Variants in CDH23 observed in about 807,000 individuals in gnomAD.
CDH23 encodes cadherin-23.
A neutral mutation model predicts 317.1 loss-of-function variants in CDH23; 189 were observed. The ratio of observed to expected loss-of-function variants is 0.60; its 90% CI spans 0.53 to 0.67. CDH23 has a LOEUF of 0.67. Ranked by LOEUF, CDH23 falls within the 30% of genes least tolerant of loss-of-function variation. The probability of loss-of-function intolerance (pLI) is 0.00; values close to 1 mark genes in which losing one functional copy is unlikely to be tolerated. For missense variants in CDH23, 4,401 were observed against 4,592.4 expected (o/e 0.96, Z 1.20); for synonymous variants, 1,839 against 1,876.8 (o/e 0.98, Z 0.52).
In CDH23 at chr10:71,615,703, C is replaced by A. The variant is rs538302491; in HGVS notation, c.945+87C>A. On this transcript the variant is annotated intron_variant, in intron 10 of 69. Transcript: ENST00000224721. ...CTCCAGCAGTGTCCGAGGGCTCCTG[C>A]CCCCGGTGGTGGCGCCGGAAGCACT... 70 of 928,322 alleles carry A rather than the reference C, an allele frequency of 7.5e-5. No homozygotes were observed. The African/African-American group carries it at 1.0e-3, about 14-fold the overall frequency. The allele number at this position is 928,322 out of a possible 1,614,324, so 57.5% of individuals were successfully genotyped here.
intron 14 of CDH23, among the ~76,000 whole-genome samples, chr10:71,667,782 A>G (rs1403923976): frequency 1.3e-5 from 2 of 152,106 alleles, no homozygotes; most frequent in Non-Finnish European, 2.9e-5. Context: ...GGGCCTGAAC[A>G]CTGTTGGAAT....
At chr10:71,680,959 G>T (rs1344038556) in intron 17 of CDH23, among the ~76,000 whole-genome samples, 1 of 150,186 alleles carries the variant, frequency 6.7e-6, no homozygotes, top group Non-Finnish European at 1.5e-5. Flanking sequence ...CTCCCGAGTA[G>T]CTGGGATTAC....
intron 11 of CDH23, among the ~76,000 whole-genome samples, chr10:71,630,604 G>T (rs1861961420): frequency 6.6e-6 from 1 of 152,254 alleles, no homozygotes. Flanking sequence ...AGTCGATTCA[G>T]TGAGGGCATG....
intron 14 of CDH23, among the ~76,000 whole-genome samples, chr10:71,656,769 G>A (rs1254475160): frequency 6.6e-6 from 1 of 152,204 alleles, no homozygotes; most frequent in East Asian, 1.9e-4. Context: ...AAGACCCTGA[G>A]CAACAGCCTG....
intron 30 of CDH23, among the ~76,000 whole-genome samples, chr10:71,728,292 T>G (rs1369730613): frequency 6.6e-6 from 1 of 151,420 alleles, no homozygotes; most frequent in African/African-American, 2.4e-5. Flanking sequence ...AGTGGACATG[T>G]TAGTTTGCAT....
At chr10:71,658,196 T>C (rs908432828) in intron 14 of CDH23, among the ~76,000 whole-genome samples, 8 of 152,136 alleles carry the variant, frequency 5.3e-5, no homozygotes, top group African/African-American at 1.7e-4. Context: ...AATCTAAATA[T>C]CTGTCTTTGA....
At position 71,432,416 on chromosome 10, in the gene CDH23, AGT is replaced by A. The variant is rs386371777; in HGVS notation, c.-5-7405_-5-7404del. 2.2e-3 allele frequency among the ~76,000 whole-genome samples: 263 copies of A among 121,328 alleles called. 1 individual carries two copies. The highest frequency in any genetic ancestry group is 3.6e-3 in the Non-Finnish European group (198 of 55,546). The allele number at this position is 121,328 out of a possible 152,430, so 79.6% of individuals were successfully genotyped here. On this transcript the variant is annotated intron_variant, in intron 1 of 69. Transcript: ENST00000224721. ...TGTGGTGTGTGTTTGTGTGTGTGTG[AGT>A]GTGTGGGTGAGTGTGTGTTTGAGAG... is the stretch of plus-strand genomic sequence containing the variant.
chr10:71,694,299 C>T lies in CDH23; in HGVS notation c.2289+40C>T, dbSNP rs367553402. Reference sequence around the variant, plus strand: ...CTCCCGTGCCCCAGCTCCCCCTCGCCGGCCAGGCTGCTGCTCCCTGCTTGT... The same window carrying T: ...CTCCCGTGCCCCAGCTCCCCCTCGCTGGCCAGGCTGCTGCTCCCTGCTTGT... On this transcript the variant is annotated intron_variant, in intron 21 of 69. Transcript: ENST00000224721. 76 of 1,498,966 alleles carry T rather than the reference C, an allele frequency of 5.1e-5. No individual in the cohort carries two copies. Among genetic ancestry groups the T allele is most frequent in the East Asian group, 6.9e-5 (3 of 43,744 alleles). The allele number at this position is 1,498,966 out of a possible 1,614,324, so 92.9% of individuals were successfully genotyped here. A position where few individuals can be genotyped will look rare whatever the true frequency, so the allele number is the denominator to read the frequency against.
At chr10:71,433,952 G>A (rs1849507127) in intron 1 of CDH23, among the ~76,000 whole-genome samples, 1 of 151,680 alleles carries the variant, frequency 6.6e-6, no homozygotes, top group Admixed American at 6.6e-5. Flanking sequence ...CTTGAAAACT[G>A]GTTATTCATA....
At chr10:71,694,081 C>A in intron 20 of CDH23, 66 bp from the exon 21 acceptor site, 1 of 1,234,056 alleles carries the variant, frequency 8.1e-7, no homozygotes, top group Non-Finnish European at 1.2e-6. Context: ...CGCTCTCTCT[C>A]TTCTTCCCTC....
chr10:71,480,659 C>T (rs1186730307), intron 3 of CDH23, among the ~76,000 whole-genome samples: 1 of 152,172 alleles, frequency 6.6e-6, no homozygotes. Context: ...CGTCCACGAC[C>T]TGTGAGCCAG....
At chr10:71,761,012 C>A in intron 38 of CDH23, 4 of 1,367,806 alleles carry the variant, frequency 2.9e-6, no homozygotes, top group Non-Finnish European at 4.2e-6. Flanking sequence ...CCCTCCTGCC[C>A]CAGGTTCTCA....
chr10:71,464,487 C>T (rs1205392228), intron 3 of CDH23, among the ~76,000 whole-genome samples: 1 of 152,222 alleles, frequency 6.6e-6, no homozygotes, highest in Non-Finnish European at 1.5e-5. Flanking sequence ...GGTCCTGCTG[C>T]ACTTCCTGGA....
rs949232799 is a variant in CDH23 at position 71,592,061 on chromosome 10, T to C, written c.832+14069T>C. 2.0e-5 allele frequency among the ~76,000 whole-genome samples: 3 copies of C among 152,122 alleles called. No individual in the cohort carries two copies. The East Asian group carries it at 5.8e-4, about 29-fold the overall frequency. ...AAGGGAAAGATGAAGATGAACAGAC[T>C]GACCAGACTGCAGAAAGGGAAAGAT... On this transcript the variant is annotated intron_variant, in intron 9 of 69. Transcript: ENST00000224721.
intron 3 of CDH23, among the ~76,000 whole-genome samples, chr10:71,469,430 G>A (rs118166408): frequency 0.012 from 1,778 of 152,206 alleles, 17 homozygotes; most frequent in South Asian, 0.029. Context: ...TCCACTTAGC[G>A]TAATTATTTT....
In CDH23 at chr10:71,705,033, G is replaced by C; in HGVS notation, c.2856G>C (p.Glu952Asp). ...GCGGCGTGGTGGTCACCACCACCGA[G>C]CTGGACCGCGAGCGCATCGCGGAGT... ...SSSGVVVTTTELDRERIAEYQ... is the reference protein window; with the variant it reads ...SSSGVVVTTTDLDRERIAEYQ... Residue 952 changes from glutamate (E) to aspartate (D), a missense_variant, in exon 25 of 70, where the codon GAG becomes GAC. This residue lies in a region of CDH23 where 3,068 missense variants were observed against 3,203.3 expected (regional missense o/e 0.96). Transcript: ENST00000224721. The C allele has an allele frequency of 6.2e-7, 1 of 1,612,748 alleles. No homozygotes were observed. Among genetic ancestry groups the C allele is most frequent in the South Asian group, 1.1e-5 (1 of 91,078 alleles).
At position 71,556,305 on chromosome 10, in the gene CDH23, G is replaced by T. The variant is rs115078651; in HGVS notation, c.430-10437G>T. Among the ~76,000 whole-genome samples, 307 of 152,286 alleles carry T rather than the reference G, an allele frequency of 2.0e-3. 1 individual carries two copies. Among genetic ancestry groups the T allele is most frequent in the African/African-American group, 7.1e-3 (297 of 41,554 alleles). On this transcript the variant is annotated intron_variant, in intron 6 of 69. Transcript: ENST00000224721. ...AGGATCCATTGCAGGGGGCAGAGTT[G>T]AAAGGGAGGAGGCAGCTGGGCACCA...
At chr10:71,438,347 C>CAAAAAAAAAAAAA (rs10596696) in intron 1 of CDH23, among the ~76,000 whole-genome samples, 14 of 98,318 alleles carry the variant, frequency 1.4e-4, no homozygotes, top group Admixed American at 2.2e-4. Flanking sequence ...CTGTCTCAAA[C>CAAAAAAAAAAAAA]AAAAAAAAAA....
chr10:71,560,339 C>G (rs578061901), intron 6 of CDH23, among the ~76,000 whole-genome samples: 1 of 150,882 alleles, frequency 6.6e-6, no homozygotes, highest in African/African-American at 2.4e-5. Flanking sequence ...TTTTGAAGTA[C>G]CCTCCTTCCT....
Sources: gnomAD v4.1 joint callset for allele counts (sites outside exome capture counted in the v4.1 genomes callset) on GRCh38, gnomAD v4.1.1 for gene constraint, gnomAD v4.1.1 regional missense constraint, MANE v1.5 for transcripts, NCBI Gene and HGNC (gene_info 2026-07-23, HGNC 2026-07-21) for gene names.